The following SEMA3A variants were observed in gnomAD, a reference collection of about 807,000 sequenced individuals.
SEMA3A encodes semaphorin 3A.
SEMA3A carries 29 observed loss-of-function variants against 97.9 expected under a neutral mutation model. The ratio of observed to expected loss-of-function variants is 0.30; its 90% confidence interval spans 0.22 to 0.40. SEMA3A has a LOEUF of 0.40. Among genes scored for constraint, SEMA3A ranks in the 10% least tolerant of loss-of-function variants. SEMA3A has a pLI of 1.00. For missense variants in SEMA3A, 763 were observed against 951.3 expected, an observed-to-expected ratio of 0.80 and a Z score of 2.60; for synonymous variants, 321 against 323.7, an observed-to-expected ratio of 0.99 and a Z score of 0.09.
intron 1 of SEMA3A, among the ~76,000 whole-genome samples, chr7:84,445,267 G>A (rs191987764): frequency 9.4e-4 from 143 of 151,548 alleles, no homozygotes; most frequent in Non-Finnish European, 1.6e-3. Flanking sequence ...TGAGGCGGGC[G>A]GATCACGAGT....
At chr7:84,147,219 C>T (rs1485192156) in intron 1 of SEMA3A, among the ~76,000 whole-genome samples, 1 of 152,098 alleles carries the variant, frequency 6.6e-6, no homozygotes, top group Non-Finnish European at 1.5e-5. Flanking sequence ...CACCCACTAC[C>T]TGTTGCATAT....
intron 3 of SEMA3A, among the ~76,000 whole-genome samples, chr7:84,267,396 T>C (rs1800033980): frequency 6.6e-6 from 1 of 152,154 alleles, no homozygotes; most frequent in Admixed American, 6.6e-5. Context: ...TTAAAACATG[T>C]TAAAAATTCC....
chr7:84,070,097 G>A (rs1307332233), intron 4 of SEMA3A, among the ~76,000 whole-genome samples: 1 of 152,046 alleles, frequency 6.6e-6, no homozygotes, highest in Non-Finnish European at 1.5e-5. Context: ...CAATTAAACT[G>A]CATAACTTAA....
At chr7:84,276,746 T>C (rs1800305296) in intron 3 of SEMA3A, among the ~76,000 whole-genome samples, 1 of 152,130 alleles carries the variant, frequency 6.6e-6, no homozygotes, top group Admixed American at 6.6e-5. Flanking sequence ...CTAGTGCTCT[T>C]ATTATACTTT....
rs376856205 is a variant in SEMA3A at position 84,430,479 on chromosome 7, A to T, written c.-245-58579T>A. ...AAAGAATAAAGATAGGTAAAATTTC[A>T]TGTAGAATGGGCAAAAATAAAAATT... is the stretch of plus-strand genomic sequence containing the variant. On this transcript the variant is annotated intron_variant, in intron 1 of 3. Coordinates refer to the SEMA3A transcript ENST00000424555. Among the ~76,000 whole-genome samples, 3 of 152,166 alleles carry T rather than the reference A, an allele frequency of 2.0e-5. No homozygotes were observed. In the South Asian group the frequency reaches 6.2e-4, roughly 32 times the overall value.
In SEMA3A at chr7:84,064,361, C is replaced by T. The variant is rs550013683; in HGVS notation, c.454-3803G>A. 4.6e-3 allele frequency among the ~76,000 whole-genome samples: 690 copies of T among 151,204 alleles called. 7 individuals carry two copies. Among genetic ancestry groups the T allele is most frequent in the African/African-American group, 0.015 (625 of 40,526 alleles). ...CAAGACTAGGAATAAACTGCATCAA[C>T]TAACGAGCAAAATAACCAGGTAACA... is the stretch of plus-strand genomic sequence containing the variant. On this transcript the variant is annotated intron_variant, in intron 4 of 16. Coordinates refer to ENST00000265362, the MANE Select transcript of SEMA3A (RefSeq NM_006080.3).
intron 2 of SEMA3A, among the ~76,000 whole-genome samples, chr7:84,131,771 A>ATTATTTAT (rs139368318): frequency 1.3e-3 from 201 of 148,998 alleles, no homozygotes; most frequent in African/African-American, 4.5e-3. Flanking sequence ...GTATAAACAA[A>ATTATTTAT]TTATTTATTT....
intron 1 of SEMA3A, among the ~76,000 whole-genome samples, chr7:84,372,944 G>C (rs1283982715): frequency 6.6e-6 from 1 of 152,072 alleles, no homozygotes; most frequent in East Asian, 1.9e-4. Context: ...ACTTGCTTTT[G>C]CAAATAGGAT....
At chr7:84,150,204 G>A (rs1796587169) in intron 1 of SEMA3A, among the ~76,000 whole-genome samples, 1 of 152,164 alleles carries the variant, frequency 6.6e-6, no homozygotes, top group African/African-American at 2.4e-5. Flanking sequence ...AATTACCTAT[G>A]TACATCTGCC....
intron 1 of SEMA3A, among the ~76,000 whole-genome samples, chr7:84,184,477 G>C (rs1797818150): frequency 6.6e-6 from 1 of 152,108 alleles, no homozygotes; most frequent in Non-Finnish European, 1.5e-5. Flanking sequence ...GGGTTGGAAA[G>C]TTTTCCCATA....
chr7:84,122,895 T>C (rs191468562), intron 3 of SEMA3A, among the ~76,000 whole-genome samples: 1 of 152,242 alleles, frequency 6.6e-6, no homozygotes, highest in East Asian at 1.9e-4. Flanking sequence ...AATAAATCCC[T>C]CAAGAATTTT....
chr7:84,075,746 T>C (rs1435730486), intron 4 of SEMA3A, among the ~76,000 whole-genome samples: 1 of 152,164 alleles, frequency 6.6e-6, no homozygotes, highest in Non-Finnish European at 1.5e-5. Flanking sequence ...AAGGAGCCAC[T>C]GTGCCTGGCC....
At chr7:84,190,954 T>C (rs1436771120) in intron 1 of SEMA3A, among the ~76,000 whole-genome samples, 1 of 88,470 alleles carries the variant, frequency 1.1e-5, no homozygotes, top group East Asian at 3.5e-4. Context: ...CATAAATGTA[T>C]TGGTATATAC....
intron 1 of SEMA3A, among the ~76,000 whole-genome samples, chr7:84,185,650 CA>C (rs1797856430): frequency 3.4e-5 from 5 of 145,690 alleles, no homozygotes; most frequent in Non-Finnish European, 7.4e-5. Flanking sequence ...GAGATCACGC[CA>C]TTGCACTCCA....
At chr7:84,053,754 T>G (rs1379780811) in intron 5 of SEMA3A, among the ~76,000 whole-genome samples, 4 of 148,798 alleles carry the variant, frequency 2.7e-5, no homozygotes, top group Admixed American at 1.4e-4. Context: ...ATCCTGTCAT[T>G]ATGATGTTAG....
intron 3 of SEMA3A, among the ~76,000 whole-genome samples, chr7:84,273,125 C>T (rs1269255218): frequency 1.3e-5 from 2 of 152,066 alleles, no homozygotes; most frequent in African/African-American, 4.8e-5. Flanking sequence ...GAAAATAACA[C>T]TGCTCTTTCA....
intron 6 of SEMA3A, among the ~76,000 whole-genome samples, chr7:84,040,788 G>T (rs1792108209): frequency 6.6e-6 from 1 of 151,970 alleles, no homozygotes; most frequent in African/African-American, 2.4e-5. Flanking sequence ...TCATTAAACT[G>T]ATGGTGAGAC....
intron 4 of SEMA3A, among the ~76,000 whole-genome samples, chr7:84,094,810 G>C (rs1007235794): frequency 2.0e-5 from 3 of 151,982 alleles, no homozygotes; most frequent in African/African-American, 7.2e-5. Context: ...CTGTAGTTGA[G>C]AGATGGACAA....
At chr7:84,033,726 T>A (rs913098077) in intron 6 of SEMA3A, among the ~76,000 whole-genome samples, 1 of 152,124 alleles carries the variant, frequency 6.6e-6, no homozygotes, top group Non-Finnish European at 1.5e-5. Flanking sequence ...GTAGTTTAGT[T>A]GAGTCCTTCT....
Sources: allele counts gnomAD v4.1 joint callset (sites outside exome capture counted in the v4.1 genomes callset), GRCh38; gene constraint gnomAD v4.1.1; transcripts MANE v1.5; gene names NCBI Gene and HGNC (gene_info 2026-07-23, HGNC 2026-07-21).